CHRNA7: variants seen among roughly 807,000 people sequenced by gnomAD.
The protein encoded by CHRNA7 is cholinergic receptor nicotinic alpha 7 subunit.
A neutral mutation model predicts 48.0 loss-of-function variants in CHRNA7; 17 were observed. The observed-to-expected ratio is 0.35, with a 90% CI of 0.24 to 0.53. The LOEUF (loss-of-function observed/expected upper bound fraction) is 0.53. CHRNA7 is among the 20% of genes least tolerant of loss of function. The probability of loss-of-function intolerance (pLI) is 0.92; values close to 1 mark genes in which losing one functional copy is unlikely to be tolerated. For synonymous variants in CHRNA7, 75 were observed against 242.3 expected (o/e 0.31, Z 6.41); for missense variants, 155 against 577.7 (o/e 0.27, Z 7.50).
chr15:32,142,650 G>T (rs1432213249), intron 4 of CHRNA7, among the ~76,000 whole-genome samples: 2 of 152,068 alleles, frequency 1.3e-5, no homozygotes, highest in Non-Finnish European at 2.9e-5. Context: ...GTCTTGGGAG[G>T]GTGCATGAGT....
At chr15:32,059,243 A>G (rs2049838034) in intron 2 of CHRNA7, among the ~76,000 whole-genome samples, 1 of 152,056 alleles carries the variant, frequency 6.6e-6, no homozygotes, top group African/African-American at 2.4e-5. Context: ...ACGTCAGGTG[A>G]TGTGCCCGCC....
At chr15:32,062,456 C>G (rs2049894402) in intron 2 of CHRNA7, among the ~76,000 whole-genome samples, 1 of 152,106 alleles carries the variant, frequency 6.6e-6, no homozygotes. Flanking sequence ...ATGTAATGAT[C>G]ACTATTCTAT....
chr15:32,128,376 C>T lies in CHRNA7; in HGVS notation c.350+16477C>T, dbSNP rs573898932. On this transcript the variant is annotated intron_variant, in intron 4 of 9. Coordinates refer to ENST00000306901, the MANE Select transcript of CHRNA7 (RefSeq NM_000746.6). ...GAATTGTGTTAAGCCTACAGGTTCT[C>T]GTAGGGACAATTATGTTGAATCTTC... Among the ~76,000 whole-genome samples, 35 of 152,018 alleles carry T rather than the reference C, an allele frequency of 2.3e-4. No individual in the cohort carries two copies. In the South Asian group the frequency reaches 6.2e-3, roughly 27 times the overall value.
At chr15:32,121,473 C>G (rs2050969054) in intron 4 of CHRNA7, among the ~76,000 whole-genome samples, 1 of 152,244 alleles carries the variant, frequency 6.6e-6, no homozygotes, top group Admixed American at 6.5e-5. Context: ...GAGGCCTTGA[C>G]TCCACATCCT....
intron 3 of CHRNA7, among the ~76,000 whole-genome samples, chr15:32,103,680 A>G (rs905275489): frequency 1.3e-4 from 20 of 152,162 alleles, no homozygotes; most frequent in African/African-American, 4.8e-4. Flanking sequence ...GGACAGACTC[A>G]TCTCCTGGCC....
intron 4 of CHRNA7, among the ~76,000 whole-genome samples, chr15:32,114,496 G>A (rs2050834480): frequency 6.6e-6 from 1 of 152,114 alleles, no homozygotes; most frequent in Non-Finnish European, 1.5e-5. Flanking sequence ...CTTTCCCATG[G>A]TGGACATAGA....
chr15:32,040,582 G>T (rs188869920), intron 2 of CHRNA7, among the ~76,000 whole-genome samples: 5 of 112,654 alleles, frequency 4.4e-5, no homozygotes, highest in Admixed American at 4.3e-4. Flanking sequence ...TATAAGGTGC[G>T]TGTGTGTGTG....
intron 4 of CHRNA7, among the ~76,000 whole-genome samples, chr15:32,117,064 C>G (rs560833680): frequency 5.3e-5 from 8 of 152,238 alleles, no homozygotes; most frequent in Admixed American, 1.3e-4. Flanking sequence ...GGAGCCAACC[C>G]AGGACAAGGA....
At chr15:32,088,897 C>G (rs890505129) in intron 2 of CHRNA7, among the ~76,000 whole-genome samples, 1 of 152,082 alleles carries the variant, frequency 6.6e-6, no homozygotes, top group Admixed American at 6.6e-5. Context: ...CAGTATCTTC[C>G]ATAGAGCAGT....
rs1417364859 is a variant in CHRNA7 at position 32,047,985 on chromosome 15, G to A, written c.195+16948G>A. 2.0e-4 allele frequency among the ~76,000 whole-genome samples: 30 copies of A among 152,204 alleles called. 1 individual carries two copies. Among genetic ancestry groups the A allele is most frequent in the South Asian group, 1.5e-3 (7 of 4,818 alleles). ...TGCTGGATTACATTTATTGATTTGC[G>A]TATATTGAACCAGTCTTGCATCCCA... On this transcript the variant is annotated intron_variant, in intron 2 of 9. Coordinates refer to ENST00000306901, the MANE Select transcript of CHRNA7 (RefSeq NM_000746.6).
At chr15:32,066,903 A>G (rs2049975919) in intron 2 of CHRNA7, among the ~76,000 whole-genome samples, 2 of 152,160 alleles carry the variant, frequency 1.3e-5, no homozygotes, top group South Asian at 4.1e-4. Context: ...TGAAATATTA[A>G]CTAATGAGTT....
intron 2 of CHRNA7, among the ~76,000 whole-genome samples, chr15:32,042,029 GT>G (rs1462841592): frequency 6.6e-6 from 1 of 152,086 alleles, no homozygotes; most frequent in African/African-American, 2.4e-5. Flanking sequence ...TTCAAATTGT[GT>G]TTTTTGTTTG....
At chr15:32,138,122 A>G (rs1328710499) in intron 4 of CHRNA7, among the ~76,000 whole-genome samples, 1 of 152,210 alleles carries the variant, frequency 6.6e-6, no homozygotes, top group Non-Finnish European at 1.5e-5. Context: ...TAAAATAGAG[A>G]TCAACGAAGG....
chr15:32,071,254 C>G (rs1421131734), intron 2 of CHRNA7, among the ~76,000 whole-genome samples: 2 of 152,130 alleles, frequency 1.3e-5, no homozygotes, highest in African/African-American at 4.8e-5. Context: ...TTCAGCTACT[C>G]TTTTCCTTTT....
intron 4 of CHRNA7, among the ~76,000 whole-genome samples, chr15:32,124,077 A>G (rs1264769952): frequency 6.6e-6 from 1 of 152,118 alleles, no homozygotes; most frequent in Non-Finnish European, 1.5e-5. Context: ...ATCCCATAAC[A>G]GTTCTCAAAC....
intron 3 of CHRNA7, among the ~76,000 whole-genome samples, chr15:32,110,172 A>C (rs1277552270): frequency 6.6e-6 from 1 of 152,216 alleles, no homozygotes; most frequent in Non-Finnish European, 1.5e-5. Flanking sequence ...CACAGAAAGC[A>C]CAGGTGTTGG....
chr15:32,032,002 G>T (rs1169167151), intron 2 of CHRNA7, among the ~76,000 whole-genome samples: 1 of 152,086 alleles, frequency 6.6e-6, no homozygotes, highest in Non-Finnish European at 1.5e-5. Context: ...AAGAAATAGT[G>T]CTAAGAGCTA....
intron 4 of CHRNA7, among the ~76,000 whole-genome samples, chr15:32,136,785 A>G (rs2051267050): frequency 6.6e-6 from 1 of 151,936 alleles, no homozygotes. Flanking sequence ...TAATCCCGGC[A>G]CTGTGGGAGG....
chr15:32,074,062 T>TC (rs138618250), intron 2 of CHRNA7, among the ~76,000 whole-genome samples: 6,241 of 151,642 alleles, frequency 0.041, 151 homozygotes, highest in Middle Eastern at 0.092. Context: ...TTTCCTTCCT[T>TC]CTTATTGTTA....
Sources: gnomAD v4.1 joint callset for allele counts (sites outside exome capture counted in the v4.1 genomes callset) on GRCh38, gnomAD v4.1.1 for gene constraint, MANE v1.5 for transcripts, NCBI Gene and HGNC (gene_info 2026-07-23, HGNC 2026-07-21) for gene names.